Variants in ALG13 observed in about 807,000 individuals in gnomAD.
The protein encoded by ALG13 is UDP-N-acetylglucosamine transferase subunit ALG13.
ALG13 carries 11 observed loss-of-function variants against 87.8 expected under a neutral mutation model. The observed-to-expected ratio is 0.13, with a 90% CI of 0.08 to 0.21. The LOEUF is 0.21. Ranked by LOEUF, ALG13 falls within the 10% of genes least tolerant of loss-of-function variation. The probability of loss-of-function intolerance (pLI) is 1.00; values close to 1 mark genes in which losing one functional copy is unlikely to be tolerated. For synonymous variants in ALG13, 320 were observed against 306.3 expected (o/e 1.04, Z -0.47); for missense variants, 756 against 866.1 (o/e 0.87, Z 1.60).
chrX:111,759,737 C>T lies in ALG13; in HGVS notation c.3152C>T (p.Thr1051Ile). ...CTGTATACATCCTTTCTTTCAGATA[C>T]TTTTCCGAATGCTGATTCTTCATCT... The part of the protein sequence containing the change: ...GIQAEASAND[T>I]FPNADSSSVP... Residue 1051 changes from threonine to isoleucine, a missense_variant, in exon 27 of 27, where the codon ACT (threonine) becomes ATT (isoleucine). Around this residue, in one of 9 missense-constraint regions of ALG13, gnomAD observed 110 missense variants for 104.9 expected, o/e 1.05. Transcript: ENST00000394780. 2.5e-6 allele frequency: 3 copies of T among 1,201,254 alleles called. No homozygotes were observed. The highest frequency in any genetic ancestry group is 3.4e-6 in the Non-Finnish European group (3 of 889,310).
chrX:111,713,555 A>G (rs746499090), intron 8 of ALG13, among the ~76,000 whole-genome samples: 74 of 111,730 alleles, frequency 6.6e-4, no homozygotes, highest in African/African-American at 2.3e-3. Context: ...TAAAAAGGAT[A>G]AGGTTCAAAC....
At chrX:111,756,710 C>T (rs968060886) in intron 25 of ALG13, among the ~76,000 whole-genome samples, 2 of 112,035 alleles carry the variant, frequency 1.8e-5, no homozygotes, top group African/African-American at 6.5e-5. Flanking sequence ...CTGGATAATG[C>T]TCAGATTAGT....
Position 111,689,985 on chromosome X carries a change from A to G in ALG13, c.383+4882A>G, listed in dbSNP as rs1235357873. On this transcript the variant is annotated intron_variant, in intron 3 of 26. Coordinates refer to ENST00000394780, the MANE Select transcript of ALG13 (RefSeq NM_001099922.3). The stretch of plus-strand genomic sequence containing the variant: ...GATTTCTGAGTTTTTGGAATTTAGG[A>G]AAATGCTCTGGGTAGGATTGATAGT... 6 of 751,570 alleles carry G rather than the reference A, an allele frequency of 8.0e-6. No homozygotes were observed. In the East Asian group the frequency reaches 9.1e-4, roughly 114 times the overall value. The allele number at this position is 751,570 out of a possible 1,213,427, so 61.9% of individuals were successfully genotyped here.
In ALG13 at chrX:111,749,514, AC is replaced by A. The variant is rs200541349; in HGVS notation, c.2933-3275del. On this transcript the variant is annotated intron_variant, in intron 24 of 26. Transcript: ENST00000394780. ...ATCAAATTTTACCAAAAAAAAAAAAACGTCTGGAAATTAGGGATTGTGTTTA... is the reference window on the plus strand; with the variant it reads ...ATCAAATTTTACCAAAAAAAAAAAAAGTCTGGAAATTAGGGATTGTGTTTA... 6.6e-3 allele frequency among the ~76,000 whole-genome samples: 727 copies of A among 110,419 alleles called. 5 individuals are homozygous for A. The highest frequency in any genetic ancestry group is 0.022 in the African/African-American group (667 of 30,387).
At chrX:111,714,861 A>G (rs1224741403) in intron 8 of ALG13, among the ~76,000 whole-genome samples, 1 of 112,326 alleles carries the variant, frequency 8.9e-6, no homozygotes, top group Non-Finnish European at 1.9e-5. Context: ...AAGGTGTGAC[A>G]TAATCTGAAT....
In ALG13 at chrX:111,681,312, G is replaced by A. The variant is rs1342543630; in HGVS notation, c.81+13G>A. On this transcript the variant is annotated intron_variant, in intron 1 of 26. Coordinates refer to ENST00000394780, the MANE Select transcript of ALG13 (RefSeq NM_001099922.3). ...CGACAGTCTGCAAGTGAGTGAGGGA[G>A]GCGAGCAGGCGGCGGCTTGGCTCGC... 6.6e-6 allele frequency: 8 copies of A among 1,209,521 alleles called. No individual in the cohort carries two copies. Among genetic ancestry groups the A allele is most frequent in the Non-Finnish European group, 7.8e-6 (7 of 894,684 alleles).
chrX:111,721,043 A>G (rs1440372303), intron 11 of ALG13, among the ~76,000 whole-genome samples: 1 of 105,338 alleles, frequency 9.5e-6, no homozygotes, highest in East Asian at 3.1e-4. Context: ...TTGTTTTAAT[A>G]AAGAACGACG....
chrX:111,709,766 G>A (rs1341913204), intron 5 of ALG13, among the ~76,000 whole-genome samples: 1 of 108,790 alleles, frequency 9.2e-6, no homozygotes, highest in Non-Finnish European at 1.9e-5. Context: ...CCTGCTGTTC[G>A]AGTTTTACTC....
intron 24 of ALG13, among the ~76,000 whole-genome samples, chrX:111,751,364 G>T: frequency 8.9e-6 from 1 of 112,067 alleles, no homozygotes; most frequent in East Asian, 2.8e-4. Context: ...ACCACGCCCG[G>T]CCATAAGCAT....
In ALG13 at chrX:111,730,430, C is replaced by T. The variant is rs1569520109; in HGVS notation, c.2401+3C>T. 8.3e-7 allele frequency: 1 copy of T among 1,206,729 alleles called. No homozygotes were observed. Among genetic ancestry groups the T allele is most frequent in the Non-Finnish European group, 1.1e-6 (1 of 891,451 alleles). ...TGAAGAATATCTTTATCGTGCAGGTCAGTAAGATCTAGAAGTGATCTGGCA... is the reference window on the plus strand; with the variant it reads ...TGAAGAATATCTTTATCGTGCAGGTTAGTAAGATCTAGAAGTGATCTGGCA... On this transcript the variant is annotated splice_donor_region_variant and intron_variant, in intron 20 of 26. Coordinates refer to ENST00000394780, the MANE Select transcript of ALG13 (RefSeq NM_001099922.3).
intron 23 of ALG13, 119 bp from the exon 24 acceptor site, chrX:111,744,549 C>A: frequency 2.4e-6 from 2 of 839,185 alleles, no homozygotes; most frequent in South Asian, 2.4e-5. Flanking sequence ...TTTTTTATAC[C>A]CAAACCTTAA....
chrX:111,727,136 T>C, intron 16 of ALG13, 81 bp downstream of exon 16: 1 of 1,109,913 alleles, frequency 9.0e-7, no homozygotes, highest in African/African-American at 1.8e-5. Context: ...TAGAATGCCA[T>C]CAAGATGAGG....
chrX:111,735,214 C>A, intron 22 of ALG13, 92 bp downstream of exon 22: 1 of 577,639 alleles, frequency 1.7e-6, no homozygotes, highest in Non-Finnish European at 2.8e-6. Flanking sequence ...TACTTCAAAG[C>A]AACTGCTTTT....
chrX:111,698,456 C>A (rs768792833), intron 3 of ALG13, among the ~76,000 whole-genome samples: 9 of 111,262 alleles, frequency 8.1e-5, no homozygotes, highest in Non-Finnish European at 1.5e-4. Context: ...GATCCCAGAA[C>A]TTATGTCCTC....
chrX:111,727,425 T>C lies in ALG13; in HGVS notation c.2070T>C (p.Asp690=), dbSNP rs371239344. Residue 690 remains aspartate, a synonymous_variant, in exon 17 of 27, where the codon GAT becomes GAC. Transcript: ENST00000394780. ...GPGKRCCQSY[D]NFSYRSRSFR... The stretch of plus-strand genomic sequence containing the variant: ...GTAAAAGGTGCTGCCAGAGCTATGA[T>C]AACTTCTCTTATAGATCTCGGTAAG... 207 of 1,203,073 alleles carry C rather than the reference T, an allele frequency of 1.7e-4. No individual in the cohort carries two copies. The highest frequency in any genetic ancestry group is 2.3e-4 in the Non-Finnish European group (201 of 889,792).
At chrX:111,734,494 T>G (rs1943042239) in intron 21 of ALG13, 1 of 112,415 alleles carries the variant, frequency 8.9e-6, no homozygotes, top group African/African-American at 3.2e-5. Context: ...GTGCTCTTAC[T>G]AATGTAACCA....
At chrX:111,704,255 G>A (rs1051409975) in intron 3 of ALG13, among the ~76,000 whole-genome samples, 2 of 111,348 alleles carry the variant, frequency 1.8e-5, no homozygotes, top group East Asian at 2.8e-4. Flanking sequence ...ATACACTATT[G>A]GTAAGAATGT....
At chrX:111,758,267 CTT>C (rs1485516545) in intron 26 of ALG13, among the ~76,000 whole-genome samples, 1 of 111,757 alleles carries the variant, frequency 8.9e-6, no homozygotes, top group Non-Finnish European at 1.9e-5. Context: ...AGGAAAAAGA[CTT>C]GTGCTATTAA....
intron 25 of ALG13, chrX:111,757,196 T>C (rs761552698): frequency 1.6e-3 from 191 of 121,853 alleles, no homozygotes; most frequent in Admixed American, 2.4e-3. Flanking sequence ...AAGCATTTTT[T>C]CTTTAAATAT....
Sources: allele counts gnomAD v4.1 joint callset (sites outside exome capture counted in the v4.1 genomes callset), GRCh38; gene constraint gnomAD v4.1.1; regional missense constraint gnomAD v4.1.1; transcripts MANE v1.5; gene names NCBI Gene and HGNC (gene_info 2026-07-23, HGNC 2026-07-21).